The following KCNQ5 variants were observed in gnomAD, a reference collection of about 807,000 sequenced individuals.
KCNQ5 encodes the protein potassium voltage-gated channel subfamily KQT member 5.
KCNQ5 carries 30 observed loss-of-function variants against 98.2 expected under a neutral mutation model. The ratio of observed to expected loss-of-function variants is 0.31; its 90% CI spans 0.23 to 0.41. The LOEUF is 0.41. KCNQ5 is among the 10% of genes least tolerant of loss of function. KCNQ5 has a pLI of 1.00. For missense variants in KCNQ5, 835 were observed against 1,182.5 expected (o/e 0.71, Z 4.31); for synonymous variants, 458 against 449.4 (o/e 1.02, Z -0.24).
At chr6:72,666,327 CTG>C (rs144430734) in intron 1 of KCNQ5, among the ~76,000 whole-genome samples, 26,603 of 151,942 alleles carry the variant, frequency 0.18, 2,462 homozygotes, top group Middle Eastern at 0.28. Flanking sequence ...AAAATAACAA[CTG>C]GAATAAATTT....
intron 2 of KCNQ5, among the ~76,000 whole-genome samples, chr6:73,034,572 G>A (rs1771304246): frequency 6.6e-6 from 1 of 152,162 alleles, no homozygotes. Context: ...TGGTACATGA[G>A]CTTTTAAGCA....
At chr6:72,667,149 T>A (rs1171336770) in intron 1 of KCNQ5, among the ~76,000 whole-genome samples, 1 of 152,172 alleles carries the variant, frequency 6.6e-6, no homozygotes, top group African/African-American at 2.4e-5. Context: ...TGTCCTCACA[T>A]CTGTTTTCAG....
At position 72,892,480 on chromosome 6, in the gene KCNQ5, C is replaced by T. The variant is rs139599591; in HGVS notation, c.399-111428C>T. 5.8e-3 allele frequency among the ~76,000 whole-genome samples: 880 copies of T among 152,230 alleles called. 21 individuals carry two copies. Among genetic ancestry groups the T allele is most frequent in the Admixed American group, 0.038 (585 of 15,286 alleles). On this transcript the variant is annotated intron_variant, in intron 1 of 13. Coordinates refer to ENST00000370398, the MANE Select transcript of KCNQ5 (RefSeq NM_019842.4). The stretch of plus-strand genomic sequence containing the variant: ...CCCAGATCCCTCTAGCAAACTATGC[C>T]GGTGGCTTCACTACAGATGTACCTC...
At chr6:73,050,940 A>G (rs903686039) in intron 3 of KCNQ5, among the ~76,000 whole-genome samples, 1 of 152,216 alleles carries the variant, frequency 6.6e-6, no homozygotes, top group Non-Finnish European at 1.5e-5. Context: ...ATAGAATTCC[A>G]TGATCTAGAT....
At chr6:72,863,530 G>T (rs1333174010) in intron 1 of KCNQ5, among the ~76,000 whole-genome samples, 2 of 152,130 alleles carry the variant, frequency 1.3e-5, no homozygotes, top group African/African-American at 4.8e-5. Context: ...ACTCTAAAGG[G>T]CTTAGGGAAA....
chr6:73,028,881 A>G (rs777831448), intron 2 of KCNQ5, among the ~76,000 whole-genome samples: 2 of 152,212 alleles, frequency 1.3e-5, no homozygotes, highest in Non-Finnish European at 2.9e-5. Flanking sequence ...CCAGGTAGGA[A>G]TAAGTCTACA....
rs762470561 is a variant in KCNQ5, at chr6:73,195,459, T to C, written c.*45T>C. 5.7e-6 allele frequency: 9 copies of C among 1,577,098 alleles called. No individual in the cohort carries two copies. The highest frequency in any genetic ancestry group is 1.7e-4 in the Middle Eastern group (1 of 5,910). ...GGCATAGCAGTTCTTTAGCCATACA[T>C]ATCATTGCATGAACTATTTCGAAAG... On this transcript the variant is annotated 3_prime_UTR_variant, in exon 14 of 14. Coordinates refer to ENST00000370398, the MANE Select transcript of KCNQ5 (RefSeq NM_019842.4).
chr6:72,941,464 TTCCTTCCC>T (rs762683553), intron 1 of KCNQ5, among the ~76,000 whole-genome samples: 26 of 87,570 alleles, frequency 3.0e-4, no homozygotes, highest in African/African-American at 4.4e-4. Context: ...TCCTTCCTTC[TTCCTTCCC>T]TCCTTCCCTC....
At chr6:72,811,745 A>T (rs907344077) in intron 1 of KCNQ5, among the ~76,000 whole-genome samples, 2 of 152,318 alleles carry the variant, frequency 1.3e-5, no homozygotes, top group South Asian at 4.1e-4. Context: ...AAAGGGTCCC[A>T]GTTCAGACCC....
chr6:72,993,919 G>T (rs374996721), intron 1 of KCNQ5, among the ~76,000 whole-genome samples: 1 of 87,434 alleles, frequency 1.1e-5, no homozygotes, highest in Non-Finnish European at 2.1e-5. Context: ...ATACCCTGCC[G>T]TGTGAGGTGT....
intron 2 of KCNQ5, among the ~76,000 whole-genome samples, chr6:73,030,417 A>C (rs1348823857): frequency 6.6e-6 from 1 of 152,212 alleles, no homozygotes; most frequent in African/African-American, 2.4e-5. Context: ...ACTAGTGTGC[A>C]TGCAATGTGC....
intron 1 of KCNQ5, among the ~76,000 whole-genome samples, chr6:72,925,950 G>A (rs1305136603): frequency 6.6e-6 from 1 of 152,168 alleles, no homozygotes; most frequent in Non-Finnish European, 1.5e-5. Context: ...TTACACTTAG[G>A]AACTTAGATA....
At chr6:73,000,270 T>C (rs1034041544) in intron 1 of KCNQ5, among the ~76,000 whole-genome samples, 6 of 152,186 alleles carry the variant, frequency 3.9e-5, no homozygotes, top group Admixed American at 1.3e-4. Context: ...TTCAGTGTTT[T>C]CTCCAGCCAG....
chr6:73,157,769 G>A (rs996971769), intron 10 of KCNQ5: 2 of 778,796 alleles, frequency 2.6e-6, no homozygotes, highest in East Asian at 4.9e-5. Context: ...TAGGTGGGGT[G>A]CATGTTGGTG....
At chr6:72,892,994 C>T (rs1006327082) in intron 1 of KCNQ5, among the ~76,000 whole-genome samples, 9 of 152,096 alleles carry the variant, frequency 5.9e-5, no homozygotes, top group Admixed American at 4.6e-4. Context: ...GGGGAAGAGG[C>T]GGCCATGTTC....
At chr6:73,061,255 A>T (rs1772766120) in intron 3 of KCNQ5, among the ~76,000 whole-genome samples, 1 of 152,230 alleles carries the variant, frequency 6.6e-6, no homozygotes, top group Admixed American at 6.5e-5. Flanking sequence ...TTACAAAAAG[A>T]AGAGAATAAA....
chr6:73,114,546 T>C (rs1775403005), intron 7 of KCNQ5, among the ~76,000 whole-genome samples: 2 of 152,220 alleles, frequency 1.3e-5, no homozygotes, highest in African/African-American at 4.8e-5. Flanking sequence ...AAATTAGCTC[T>C]CAGTAATGTT....
chr6:73,060,178 A>G (rs1772717822), intron 3 of KCNQ5, among the ~76,000 whole-genome samples: 2 of 152,096 alleles, frequency 1.3e-5, no homozygotes. Flanking sequence ...TCTTAAAACT[A>G]TTCTCTAAGA....
At chr6:72,849,115 T>C (rs891761637) in intron 1 of KCNQ5, among the ~76,000 whole-genome samples, 10 of 147,486 alleles carry the variant, frequency 6.8e-5, no homozygotes, top group South Asian at 6.5e-4. Context: ...TATGTACACA[T>C]ACACACACAC....
Sources: gnomAD v4.1 joint callset for allele counts (sites outside exome capture counted in the v4.1 genomes callset) on GRCh38, gnomAD v4.1.1 for gene constraint, MANE v1.5 for transcripts, NCBI Gene and HGNC (gene_info 2026-07-23, HGNC 2026-07-21) for gene names.